FHAD1: variants seen among roughly 807,000 people sequenced by gnomAD.
FHAD1 encodes the protein forkhead-associated domain-containing protein 1.
FHAD1 carries 146 observed loss-of-function variants against 191.3 expected under a neutral mutation model. That is an observed-to-expected ratio of 0.76 (90% CI 0.67 to 0.88). FHAD1 has a LOEUF of 0.88. Among genes scored for constraint, FHAD1 ranks in the 40% least tolerant of loss-of-function variants. The pLI is 0.00. For missense variants in FHAD1, 1,635 were observed against 1,785.8 expected (o/e 0.92, Z 1.52); for synonymous variants, 616 against 672.3 (o/e 0.92, Z 1.29).
intron 20 of FHAD1, among the ~76,000 whole-genome samples, chr1:15,353,704 CAAAAAA>C (rs60518389): frequency 1.8e-4 from 11 of 60,990 alleles, no homozygotes; most frequent in African/African-American, 6.5e-4. Context: ...GACTCCATCT[CAAAAAA>C]AAAAAAAAAA....
intron 2 of FHAD1, among the ~76,000 whole-genome samples, chr1:15,271,838 T>C (rs1656164077): frequency 6.6e-6 from 1 of 152,178 alleles, no homozygotes; most frequent in Admixed American, 6.5e-5. Context: ...TCTCTATTTC[T>C]TGTTTGGGCC....
In FHAD1 at chr1:15,358,250, A is replaced by G. The variant is rs1276889372; in HGVS notation, c.2703A>G (p.Thr901=). The G allele has an allele frequency of 2.6e-6, 4 of 1,531,146 alleles. No individual in the cohort carries two copies. The highest frequency in any genetic ancestry group is 1.4e-5 in the African/African-American group (1 of 71,398). The allele number at this position is 1,531,146 out of a possible 1,614,324, so 94.8% of individuals were successfully genotyped here. A position where few individuals can be genotyped will look rare whatever the true frequency, so the allele number is the denominator to read the frequency against. ...GCCTCGCCTTGAAATTAAATGAAAC[A>G]TTAGCCGAACTGGAAACTACCAAGA... ...AESLALKLNE[T]LAELETTKTK... The change falls in exon 21 of 34, where the codon ACA becomes ACG. Residue 901 remains threonine, a synonymous_variant. Transcript: ENST00000688493.
chr1:15,350,780 G>A (rs568148836), intron 19 of FHAD1, among the ~76,000 whole-genome samples: 15 of 152,300 alleles, frequency 9.8e-5, no homozygotes, highest in East Asian at 5.8e-4. Context: ...GAGTCCAGGT[G>A]GGGTGGGCAG....
At chr1:15,261,142 C>T (rs1435578715) in intron 2 of FHAD1, among the ~76,000 whole-genome samples, 4 of 152,160 alleles carry the variant, frequency 2.6e-5, no homozygotes, top group Non-Finnish European at 5.9e-5. Context: ...TTGTGCCAGG[C>T]ACTGTTGTTT....
At chr1:15,358,580 C>A (rs979845014) in intron 21 of FHAD1, among the ~76,000 whole-genome samples, 1 of 152,184 alleles carries the variant, frequency 6.6e-6, no homozygotes, top group African/African-American at 2.4e-5. Flanking sequence ...TGGTTTAGAA[C>A]GAAATGTACA....
At chr1:15,369,319 G>C (rs983164187) in intron 25 of FHAD1, 51 bp from the exon 26 acceptor site, 1 of 1,546,736 alleles carries the variant, frequency 6.5e-7, no homozygotes. Flanking sequence ...GAGTGTAAAA[G>C]TAATTTGTGG....
chr1:15,280,457 C>A (rs1425316026), intron 3 of FHAD1, among the ~76,000 whole-genome samples: 1 of 152,114 alleles, frequency 6.6e-6, no homozygotes, highest in Admixed American at 6.6e-5. Flanking sequence ...GGCAAAAACA[C>A]AGAAGGACTC....
At chr1:15,284,362 C>G (rs1661625508) in intron 3 of FHAD1, among the ~76,000 whole-genome samples, 1 of 151,830 alleles carries the variant, frequency 6.6e-6, no homozygotes, top group African/African-American at 2.4e-5. Context: ...GCCTGTAGTC[C>G]CAGCTACTCG....
chr1:15,402,632 A>C (rs907301810), downstream of FHAD1, among the ~76,000 whole-genome samples: 3 of 152,194 alleles, frequency 2.0e-5, no homozygotes, highest in Admixed American at 1.3e-4. Flanking sequence ...ACACTATGCA[A>C]AGCGTGGTCC....
chr1:15,375,490 C>T (rs1320549538), intron 27 of FHAD1, 113 bp from the exon 28 acceptor site: 9 of 1,021,862 alleles, frequency 8.8e-6, no homozygotes, highest in South Asian at 7.1e-5. Flanking sequence ...CACGGGAGGT[C>T]GTAAGGATTA....
chr1:15,363,461 C>A (rs531047546), intron 23 of FHAD1, among the ~76,000 whole-genome samples: 1 of 152,278 alleles, frequency 6.6e-6, no homozygotes, highest in African/African-American at 2.4e-5. Context: ...GCTGTGTGAC[C>A]CTGGGCAAGT....
chr1:15,363,402 T>C (rs1006920931), intron 23 of FHAD1, among the ~76,000 whole-genome samples: 6 of 152,172 alleles, frequency 3.9e-5, no homozygotes, highest in Non-Finnish European at 8.8e-5. Context: ...AACTTGAGAT[T>C]TGGAGGGGAT....
chr1:15,336,690 G>A (rs1684263439), intron 14 of FHAD1, among the ~76,000 whole-genome samples: 1 of 152,166 alleles, frequency 6.6e-6, no homozygotes, highest in South Asian at 2.1e-4. Flanking sequence ...GTCTTCACCT[G>A]TGATCTTTAA....
At chr1:15,390,012 TAGC>T (rs1293266754) in intron 32 of FHAD1, among the ~76,000 whole-genome samples, 3 of 152,144 alleles carry the variant, frequency 2.0e-5, no homozygotes, top group Admixed American at 6.5e-5. Flanking sequence ...CGTCACAAAA[TAGC>T]AGCCCACGGC....
intron 2 of FHAD1, among the ~76,000 whole-genome samples, chr1:15,261,691 A>G (rs1193594475): frequency 6.6e-6 from 1 of 152,190 alleles, no homozygotes; most frequent in Admixed American, 6.5e-5. Flanking sequence ...CTCTGCTCCC[A>G]GACTCACAGT....
intron 23 of FHAD1, among the ~76,000 whole-genome samples, chr1:15,365,481 A>ATTTTTTTT (rs71587751): frequency 8.9e-5 from 10 of 112,782 alleles, no homozygotes; most frequent in African/African-American, 1.3e-4. Flanking sequence ...TGCCTGGCTA[A>ATTTTTTTT]TTTTTTTTTT....
intron 2 of FHAD1, 79 bp downstream of exon 2, chr1:15,251,956 G>A: frequency 8.4e-7 from 1 of 1,197,546 alleles, no homozygotes; most frequent in South Asian, 1.5e-5. Context: ...AGCGTTATGT[G>A]GACTCCAGTC....
chr1:15,240,151 T>TG (rs1480640580), intron 1 of FHAD1, among the ~76,000 whole-genome samples: 3 of 152,320 alleles, frequency 2.0e-5, no homozygotes, highest in African/African-American at 7.2e-5. Context: ...GAGAGTCTAC[T>TG]GGGGGTCCAG....
At position 15,376,086 on chromosome 1, in the gene FHAD1, TTTA is replaced by T. The variant is rs1341441265; in HGVS notation, c.3705+359_3705+361del. 3.0e-4 allele frequency among the ~76,000 whole-genome samples: 36 copies of T among 119,538 alleles called. No homozygotes were observed. The East Asian group carries it at 5.4e-3, about 18-fold the overall frequency. The allele number at this position is 119,538 out of a possible 152,430, so 78.4% of individuals were successfully genotyped here. On this transcript the variant is annotated intron_variant, in intron 28 of 33. Coordinates refer to ENST00000688493, the MANE Select transcript of FHAD1 (RefSeq NM_001391957.1). ...ATTTATTTATTTATTTATTTTTTTA[TTTA>T]TTTTTTTATTTATTTTTTGAGACAG...
Sources: allele counts gnomAD v4.1 joint callset (sites outside exome capture counted in the v4.1 genomes callset), GRCh38; gene constraint gnomAD v4.1.1; transcripts MANE v1.5; gene names NCBI Gene and HGNC (gene_info 2026-07-23, HGNC 2026-07-21).